Variants in AUH observed in about 807,000 individuals in gnomAD.
AUH encodes the protein AU RNA binding methylglutaconyl-CoA hydratase.
AUH carries 29 observed loss-of-function variants against 42.3 expected under a neutral mutation model. That is an observed-to-expected ratio of 0.69 (90% CI 0.51 to 0.93). The LOEUF is 0.93. Among genes scored for constraint, AUH ranks in the 40% least tolerant of loss-of-function variants. AUH has a pLI of 0.00. For missense variants in AUH, 452 were observed against 438.1 expected (o/e 1.03, Z -0.28); for synonymous variants, 174 against 166.4 (o/e 1.05, Z -0.35).
chr9:91,225,342 A>G (rs560124169), intron 6 of AUH, among the ~76,000 whole-genome samples: 1 of 152,322 alleles, frequency 6.6e-6, no homozygotes, highest in East Asian at 1.9e-4. Context: ...ACTAGAAAAA[A>G]ATTACTTCAG....
intron 3 of AUH, among the ~76,000 whole-genome samples, chr9:91,331,241 A>G (rs1009092555): frequency 6.6e-6 from 1 of 152,256 alleles, no homozygotes; most frequent in Non-Finnish European, 1.5e-5. Flanking sequence ...AAAGGTGAAG[A>G]AAGTACAGAC....
At chr9:91,224,682 T>C (rs1169366012) in intron 6 of AUH, among the ~76,000 whole-genome samples, 1 of 152,224 alleles carries the variant, frequency 6.6e-6, no homozygotes, top group East Asian at 1.9e-4. Context: ...CTTAAATGAT[T>C]ACACAAATAC....
rs771503103 is a variant in AUH at position 91,216,089 on chromosome 9, C to A, written c.912G>T (p.Gly304=). Residue 304 remains glycine (G), a synonymous_variant, in exon 9 of 10, where the codon GGG becomes GGT. Coordinates refer to ENST00000375731, the MANE Select transcript of AUH (RefSeq NM_001698.3). The part of the protein sequence containing the change: ...NQGMEVDLVT[G]LAIEEACYAQ... Reference sequence around the variant, plus strand: ...CATAACAAGCTTCTTCTATGGCTAACCCTGTTACTAAATCGACCTGAGAAT... The same window carrying A: ...CATAACAAGCTTCTTCTATGGCTAAACCTGTTACTAAATCGACCTGAGAAT... 6.2e-7 allele frequency: 1 copy of A among 1,613,256 alleles called. No individual in the cohort carries two copies. The highest frequency in any genetic ancestry group is 8.5e-7 in the Non-Finnish European group (1 of 1,179,520).
At chr9:91,241,328 C>A (rs1466461395) in intron 6 of AUH, among the ~76,000 whole-genome samples, 2 of 152,134 alleles carry the variant, frequency 1.3e-5, no homozygotes, top group Admixed American at 1.3e-4. Flanking sequence ...CATGCCTAAC[C>A]AACTATGTCT....
At chr9:91,291,156 T>G (rs1431930863) in intron 6 of AUH, among the ~76,000 whole-genome samples, 1 of 152,220 alleles carries the variant, frequency 6.6e-6, no homozygotes, top group Non-Finnish European at 1.5e-5. Context: ...TCGCATCACC[T>G]TCTCTTCTTC....
At chr9:91,281,267 TTCAC>T (rs1166836915) in intron 6 of AUH, among the ~76,000 whole-genome samples, 7 of 152,358 alleles carry the variant, frequency 4.6e-5, no homozygotes, top group Non-Finnish European at 1.5e-5. Context: ...TATCTTCAGA[TTCAC>T]TCACTCTCTC....
chr9:91,349,002 T>G (rs1259578671), intron 3 of AUH, among the ~76,000 whole-genome samples: 4 of 152,162 alleles, frequency 2.6e-5, no homozygotes, highest in Non-Finnish European at 5.9e-5. Flanking sequence ...TACTACAAAT[T>G]TGTGGTATCT....
intron 6 of AUH, among the ~76,000 whole-genome samples, chr9:91,284,167 C>T (rs976019356): frequency 6.6e-5 from 10 of 152,116 alleles, no homozygotes; most frequent in African/African-American, 2.4e-4. Context: ...CACACATCTA[C>T]AACCATCTGA....
chr9:91,283,712 A>G (rs1826167478), intron 6 of AUH, among the ~76,000 whole-genome samples: 1 of 152,198 alleles, frequency 6.6e-6, no homozygotes, highest in Non-Finnish European at 1.5e-5. Flanking sequence ...CCCATTCACA[A>G]TTCCTTCAAA....
intron 3 of AUH, among the ~76,000 whole-genome samples, chr9:91,329,713 T>C (rs1374291623): frequency 2.0e-5 from 3 of 152,210 alleles, no homozygotes; most frequent in East Asian, 1.9e-4. Flanking sequence ...TTGGTGATTT[T>C]TGAAGCACAA....
At chr9:91,298,143 A>G (rs764787274) in intron 4 of AUH, 67 bp from the exon 5 acceptor site, 2 of 1,305,732 alleles carry the variant, frequency 1.5e-6, no homozygotes, top group Non-Finnish European at 2.2e-6. Flanking sequence ...ATTCATTTTT[A>G]ATTTTTTTCT....
intron 6 of AUH, among the ~76,000 whole-genome samples, chr9:91,235,778 T>C (rs908658477): frequency 6.6e-6 from 1 of 152,236 alleles, no homozygotes; most frequent in Non-Finnish European, 1.5e-5. Flanking sequence ...AGGAAAGATA[T>C]TCTTCACTGA....
intron 4 of AUH, among the ~76,000 whole-genome samples, chr9:91,305,811 T>C (rs1828172834): frequency 6.6e-6 from 1 of 152,200 alleles, no homozygotes; most frequent in African/African-American, 2.4e-5. Flanking sequence ...TGGTACAGTC[T>C]GAGCACAGGC....
chr9:91,217,300 A>G lies in AUH; in HGVS notation c.871T>C (p.Leu291=). The change falls in exon 8 of 10, where the codon TTA becomes CTA. Residue 291 remains leucine (L), a synonymous_variant. Coordinates refer to ENST00000375731, the MANE Select transcript of AUH (RefSeq NM_001698.3). The part of the protein sequence containing the change: ...QGPVAMRVAK[L]AINQGMEVDL... ...ACCTCCATCCCTTGATTAATTGCTA[A>G]TTTTGCCACTCTCATTGCAACAGGT... The G allele has an allele frequency of 6.2e-7, 1 of 1,613,976 alleles. No homozygotes were observed. The highest frequency in any genetic ancestry group is 8.5e-7 in the Non-Finnish European group (1 of 1,179,910).
At chr9:91,228,794 C>T (rs1329819370) in intron 6 of AUH, among the ~76,000 whole-genome samples, 2 of 152,104 alleles carry the variant, frequency 1.3e-5, no homozygotes, top group Non-Finnish European at 2.9e-5. Flanking sequence ...TTTATATCTG[C>T]CTTCATTTCG....
chr9:91,290,205 CA>C (rs1157063269), intron 6 of AUH, among the ~76,000 whole-genome samples: 1 of 152,114 alleles, frequency 6.6e-6, no homozygotes, highest in African/African-American at 2.4e-5. Flanking sequence ...TGCTTGAGGC[CA>C]GAAGTTCAAG....
chr9:91,322,460 T>TACCAGC (rs1313715693), intron 4 of AUH, among the ~76,000 whole-genome samples: 1 of 152,012 alleles, frequency 6.6e-6, no homozygotes, highest in Non-Finnish European at 1.5e-5. Context: ...CCTAAAACAA[T>TACCAGC]ACCAGCACAG....
chr9:91,288,973 T>G (rs1481722664), intron 6 of AUH, among the ~76,000 whole-genome samples: 1 of 152,110 alleles, frequency 6.6e-6, no homozygotes, highest in Non-Finnish European at 1.5e-5. Flanking sequence ...AAAGCTCAGG[T>G]AAAGAAAACA....
At chr9:91,215,929 T>C in intron 9 of AUH, 130 bp downstream of exon 9, 1 of 945,668 alleles carries the variant, frequency 1.1e-6, no homozygotes, top group Non-Finnish European at 1.7e-6. Context: ...ACAACTAATT[T>C]CAACCCATTT....
Sources: allele counts gnomAD v4.1 joint callset (sites outside exome capture counted in the v4.1 genomes callset), GRCh38; gene constraint gnomAD v4.1.1; transcripts MANE v1.5; gene names NCBI Gene and HGNC (gene_info 2026-07-23, HGNC 2026-07-21).